Variants in PTPRD observed in about 807,000 individuals in gnomAD.
PTPRD encodes receptor-type tyrosine-protein phosphatase delta.
Under a neutral mutation model 214.5 loss-of-function variants are expected in PTPRD, and 34 were observed. That is an observed-to-expected ratio of 0.16 (90% CI 0.12 to 0.21). PTPRD has a LOEUF of 0.21. Among genes scored for constraint, PTPRD ranks in the 10% least tolerant of loss-of-function variants. The pLI, the probability that PTPRD is intolerant of heterozygous loss-of-function variation, is 1.00. For synonymous variants in PTPRD, 1,128 were observed against 845.7 expected, an observed-to-expected ratio of 1.33 and a Z score of -5.79; for missense variants, 2,545 against 2,398.7, an observed-to-expected ratio of 1.06 and a Z score of -1.27.
chr9:8,728,555 A>C (rs1207757530), intron 12 of PTPRD, among the ~76,000 whole-genome samples: 1 of 152,218 alleles, frequency 6.6e-6, no homozygotes, highest in East Asian at 1.9e-4. Context: ...CTGCCTACTG[A>C]AATGTATGCA....
intron 10 of PTPRD, among the ~76,000 whole-genome samples, chr9:9,026,358 T>G (rs1806077518): frequency 6.6e-6 from 1 of 151,946 alleles, no homozygotes; most frequent in Non-Finnish European, 1.5e-5. Flanking sequence ...GGCCAGATGT[T>G]AGATTATGTA....
intron 3 of PTPRD, among the ~76,000 whole-genome samples, chr9:10,229,125 A>G (rs922716006): frequency 3.9e-5 from 6 of 152,096 alleles, no homozygotes; most frequent in Non-Finnish European, 7.4e-5. Flanking sequence ...TGGCCATCAG[A>G]GAAATGCAAA....
chr9:10,060,899 T>TC (rs1331017005), intron 3 of PTPRD, among the ~76,000 whole-genome samples: 466 of 34,050 alleles, frequency 0.014, no homozygotes, highest in East Asian at 0.018. Context: ...CTTCCTTCCT[T>TC]CTTTCTTTCT....
intron 12 of PTPRD, among the ~76,000 whole-genome samples, chr9:8,680,979 C>T (rs1295667511): frequency 6.6e-6 from 1 of 152,160 alleles, no homozygotes. Context: ...GGAGAAAGAA[C>T]ACATTTTCCT....
rs149695783 is a variant in PTPRD at position 8,908,469 on chromosome 9, T to C, written c.-104+110228A>G. Among the ~76,000 whole-genome samples the C allele has an allele frequency of 6.7e-3, 1,017 of 151,832 alleles. 16 individuals are homozygous for C. Among genetic ancestry groups the C allele is most frequent in the African/African-American group, 0.023 (959 of 41,424 alleles). ...TGGGAGATACCCAAATATACAGAAATTAAACAGCACATTTTTAAATAACCC... is the reference window on the plus strand; with the variant it reads ...TGGGAGATACCCAAATATACAGAAACTAAACAGCACATTTTTAAATAACCC... On this transcript the variant is annotated intron_variant, in intron 11 of 45. Coordinates refer to ENST00000381196, the MANE Select transcript of PTPRD (RefSeq NM_002839.4).
intron 9 of PTPRD, among the ~76,000 whole-genome samples, chr9:9,288,576 T>C (rs893084645): frequency 2.0e-5 from 3 of 151,954 alleles, no homozygotes; most frequent in South Asian, 2.1e-4. Flanking sequence ...GTTCACACTT[T>C]CATTGTTAAT....
intron 3 of PTPRD, among the ~76,000 whole-genome samples, chr9:10,126,389 T>C (rs1397977172): frequency 2.0e-5 from 3 of 151,822 alleles, no homozygotes; most frequent in East Asian, 1.9e-4. Context: ...GGGTTCAGTA[T>C]TGAAATTTGA....
At chr9:8,579,592 G>C (rs534473802) in intron 14 of PTPRD, among the ~76,000 whole-genome samples, 126 of 152,162 alleles carry the variant, frequency 8.3e-4, no homozygotes, top group African/African-American at 2.9e-3. Flanking sequence ...ACATTCTAGG[G>C]GAACAAAAGA....
chr9:10,462,749 C>A (rs1373635623), intron 2 of PTPRD, among the ~76,000 whole-genome samples: 1 of 151,298 alleles, frequency 6.6e-6, no homozygotes, highest in African/African-American at 2.4e-5. Context: ...AAAAAAAATA[C>A]TGCATTTCAC....
chr9:9,092,713 T>C (rs1205609962), intron 10 of PTPRD, among the ~76,000 whole-genome samples: 1 of 152,098 alleles, frequency 6.6e-6, no homozygotes, highest in Non-Finnish European at 1.5e-5. Flanking sequence ...TCATTTAAGA[T>C]ATACAAACTT....
rs115552424 is a variant in PTPRD, at chr9:8,316,293, C to G, written c.*1581G>C. ...CAGATACGAACAGTGAATGGAAATA[C>G]GAACCAAAAGCTAAAAAGAAATGCT... On this transcript the variant is annotated 3_prime_UTR_variant, in exon 46 of 46. Transcript: ENST00000381196. The G allele has an allele frequency of 4.3e-6, 1 of 230,192 alleles. No individual in the cohort carries two copies. The highest frequency in any genetic ancestry group is 2.2e-5 in the African/African-American group (1 of 45,174). 14.3% of individuals were successfully genotyped at this position (230,192 alleles called of 1,614,324 possible).
rs113404084 is a variant in PTPRD at position 8,722,751 on chromosome 9, G to A, written c.64+11029C>T. ...ATCTGCAGCTATGGATATTGATGAA[G>A]GAAAGTGTAGACTTAATTGCATGTT... is the stretch of plus-strand genomic sequence containing the variant. On this transcript the variant is annotated intron_variant, in intron 12 of 45. Coordinates refer to ENST00000381196, the MANE Select transcript of PTPRD (RefSeq NM_002839.4). Among the ~76,000 whole-genome samples the A allele has an allele frequency of 4.7e-3, 723 of 152,254 alleles. 6 individuals carry two copies. Among genetic ancestry groups the A allele is most frequent in the African/African-American group, 0.017 (692 of 41,554 alleles).
At chr9:8,590,470 C>G (rs940386647) in intron 14 of PTPRD, among the ~76,000 whole-genome samples, 1 of 152,096 alleles carries the variant, frequency 6.6e-6, no homozygotes, top group Admixed American at 6.6e-5. Context: ...ATGCCTTAGT[C>G]TCTTTCACTT....
chr9:10,304,283 A>T lies in PTPRD; in HGVS notation c.-545+36680T>A, dbSNP rs149550389. ...TATCTCAAAATAGTAAGAGCTATTT[A>T]TGACAAACCCACAGTCAATATCATA... On this transcript the variant is annotated intron_variant, in intron 3 of 45. Coordinates refer to ENST00000381196, the MANE Select transcript of PTPRD (RefSeq NM_002839.4). Among the ~76,000 whole-genome samples, 1,240 of 152,346 alleles carry T rather than the reference A, an allele frequency of 8.1e-3. 2 individuals carry two copies. Among genetic ancestry groups the T allele is most frequent in the Non-Finnish European group, 0.011 (743 of 68,034 alleles).
At chr9:9,932,160 T>C (rs368676138) in intron 5 of PTPRD, among the ~76,000 whole-genome samples, 4,394 of 139,060 alleles carry the variant, frequency 0.032, 193 homozygotes, top group African/African-American at 0.14. Flanking sequence ...AACTCTAAAA[T>C]GCAGAGTGCC....
chr9:8,823,741 A>T (rs1267015058), intron 11 of PTPRD, among the ~76,000 whole-genome samples: 1 of 152,186 alleles, frequency 6.6e-6, no homozygotes, highest in Non-Finnish European at 1.5e-5. Flanking sequence ...GTTACAGGAA[A>T]GGAGTCTTGA....
chr9:9,159,159 C>A (rs1292340365), intron 10 of PTPRD, among the ~76,000 whole-genome samples: 6 of 152,026 alleles, frequency 3.9e-5, no homozygotes. Context: ...GACAAGAATG[C>A]CAAATTTGAC....
At chr9:9,575,398 G>C (rs2088150484) in intron 7 of PTPRD, among the ~76,000 whole-genome samples, 1 of 151,970 alleles carries the variant, frequency 6.6e-6, no homozygotes, top group Admixed American at 6.6e-5. Flanking sequence ...AAATACGCCA[G>C]TTAGTTACCA....
At chr9:8,585,488 A>T (rs189440599) in intron 14 of PTPRD, among the ~76,000 whole-genome samples, 1 of 152,324 alleles carries the variant, frequency 6.6e-6, no homozygotes, top group East Asian at 1.9e-4. Flanking sequence ...GCATGAAGAA[A>T]GGCTGGACAC....
Sources: gnomAD v4.1 joint callset for allele counts (sites outside exome capture counted in the v4.1 genomes callset) on GRCh38, gnomAD v4.1.1 for gene constraint, MANE v1.5 for transcripts, NCBI Gene and HGNC (gene_info 2026-07-23, HGNC 2026-07-21) for gene names.